CACNA1A: variants seen among roughly 807,000 people sequenced by gnomAD.
CACNA1A encodes the protein voltage-dependent P/Q-type calcium channel subunit alpha-1A.
CACNA1A carries 57 observed loss-of-function variants against 262.4 expected under a neutral mutation model. That is an observed-to-expected ratio of 0.22 (90% CI 0.18 to 0.27). The LOEUF (loss-of-function observed/expected upper bound fraction) is 0.27. Ranked by LOEUF, CACNA1A falls within the 10% of genes least tolerant of loss-of-function variation. The pLI is 1.00. For missense variants in CACNA1A, 2,526 were observed against 3,562.8 expected, an observed-to-expected ratio of 0.71 and a Z score of 7.41; for synonymous variants, 1,431 against 1,419.3, an observed-to-expected ratio of 1.01 and a Z score of -0.18.
chr19:13,235,693 C>G lies in CACNA1A; in HGVS notation c.4988G>C (p.Arg1663Pro). The G allele has an allele frequency of 6.2e-7, 1 of 1,613,804 alleles. No homozygotes were observed. The highest frequency in any genetic ancestry group is 8.5e-7 in the Non-Finnish European group (1 of 1,179,804). The change falls in exon 32 of 47, where the codon CGA becomes CCA. Residue 1663 changes from arginine to proline, a missense_variant. Arg to Pro is a moderately radical substitution (Grantham distance 103). Transcript: ENST00000360228. ...FINLSFLRLF[R>P]AARLIKLLRQ... The stretch of plus-strand genomic sequence containing the variant: ...GAGAAGTTTGATGAGCCGGGCAGCT[C>G]GGAAGAGGCGGAGAAAGCTCAGGTT...
At chr19:13,319,898 T>C (rs888828776) in intron 10 of CACNA1A, among the ~76,000 whole-genome samples, 1 of 152,144 alleles carries the variant, frequency 6.6e-6, no homozygotes, top group Admixed American at 6.5e-5. Context: ...CCAGTGAAGA[T>C]GTGTCAAGAT....
intron 40 of CACNA1A, among the ~76,000 whole-genome samples, chr19:13,213,045 T>C (rs952319139): frequency 2.0e-5 from 3 of 152,072 alleles, no homozygotes; most frequent in Non-Finnish European, 2.9e-5. Flanking sequence ...CCATGAGCAC[T>C]TGAGTCAGGT....
chr19:13,418,456 GA>G (rs1338519258), intron 3 of CACNA1A, among the ~76,000 whole-genome samples: 1 of 152,048 alleles, frequency 6.6e-6, no homozygotes, highest in Non-Finnish European at 1.5e-5. Context: ...ACCTTATTTA[GA>G]AAAAATAAGG....
Position 13,299,261 on chromosome 19 carries a change from T to A in CACNA1A, c.2372A>T (p.Glu791Val). 1 of 1,607,022 alleles carries A rather than the reference T, an allele frequency of 6.2e-7. No individual in the cohort carries two copies. Among genetic ancestry groups the A allele is most frequent in the South Asian group, 1.1e-5 (1 of 91,090 alleles). ...MRKQNLLASR[E>V]ALYNEMDPDE... ...CGGGTCCATTTCGTTATACAGGGCC[T>A]CCCGGCTGGCCAGCAAGTTCTGCTT... The change falls in exon 19 of 47, where the codon GAG becomes GTG. Residue 791 changes from glutamate to valine, a missense_variant. Glu to Val is a moderately radical substitution (Grantham distance 121, BLOSUM62 -2). This residue lies in a region of CACNA1A where 765 missense variants were observed against 748.6 expected (regional missense o/e 1.02). Transcript: ENST00000360228.
intron 4 of CACNA1A, among the ~76,000 whole-genome samples, chr19:13,369,609 G>T (rs1354008616): frequency 6.6e-6 from 1 of 152,238 alleles, no homozygotes; most frequent in Non-Finnish European, 1.5e-5. Context: ...CACACACAGT[G>T]AAGTACCTGG....
chr19:13,440,875 G>A lies in CACNA1A; in HGVS notation c.539+12001C>T, dbSNP rs115534793. On this transcript the variant is annotated intron_variant, in intron 3 of 46. Transcript: ENST00000360228. The stretch of plus-strand genomic sequence containing the variant: ...TGTTGGACTGCAGTGGTGCAAGCAC[G>A]GCTCACTGCAGACTTGACCTCCTGG... 2.6e-3 allele frequency among the ~76,000 whole-genome samples: 401 copies of A among 152,270 alleles called. 1 individual carries two copies. Among genetic ancestry groups the A allele is most frequent in the African/African-American group, 8.9e-3 (369 of 41,532 alleles).
rs368480650 is a variant in CACNA1A, at chr19:13,212,219, G to A, written c.6190-3C>T. The A allele has an allele frequency of 6.2e-7, 1 of 1,612,890 alleles. No homozygotes were observed. Reference sequence around the variant, plus strand: ...CCCATCTCTCGCATCTCCACGGACTGCGGAGCAGATGGCAAAGCCAGATGA... The same window carrying A: ...CCCATCTCTCGCATCTCCACGGACTACGGAGCAGATGGCAAAGCCAGATGA... On this transcript the variant is annotated splice_region_variant and splice_polypyrimidine_tract_variant and intron_variant, in intron 42 of 46. Coordinates refer to ENST00000360228, the MANE Select transcript of CACNA1A (RefSeq NM_001127222.2). This position sits in a 1 kb window ranked among gnomAD's most constrained non-coding sequence, Gnocchi z 5.6.
chr19:13,381,965 T>C (rs1006539323), intron 3 of CACNA1A, among the ~76,000 whole-genome samples: 1 of 152,060 alleles, frequency 6.6e-6, no homozygotes, highest in African/African-American at 2.4e-5. Context: ...CTGACTTGTA[T>C]TAAAATATGA....
At chr19:13,482,369 G>C (rs1979430638) in intron 1 of CACNA1A, among the ~76,000 whole-genome samples, 1 of 151,954 alleles carries the variant, frequency 6.6e-6, no homozygotes, top group Admixed American at 6.6e-5. Context: ...TGTAGTCCCA[G>C]CTACTCGGGA....
At chr19:13,310,523 G>A (rs1161803555) in intron 12 of CACNA1A, among the ~76,000 whole-genome samples, 1 of 103,448 alleles carries the variant, frequency 9.7e-6, no homozygotes, top group Non-Finnish European at 1.9e-5. Flanking sequence ...TGTAGAGAGA[G>A]AGAGAGAGTT....
intron 12 of CACNA1A, among the ~76,000 whole-genome samples, chr19:13,309,094 C>T (rs371153094): frequency 2.1e-4 from 32 of 152,198 alleles, no homozygotes; most frequent in South Asian, 8.3e-4. Flanking sequence ...CTGCAACCTC[C>T]GCCTCCCAGG....
intron 5 of CACNA1A, among the ~76,000 whole-genome samples, chr19:13,361,444 C>T (rs2059109636): frequency 6.6e-6 from 1 of 152,156 alleles, no homozygotes; most frequent in African/African-American, 2.4e-5. Context: ...GGACCTTATT[C>T]TGTGAGCGAT....
rs540955005 is a variant in CACNA1A at position 13,209,604 on chromosome 19, C to T, written c.6340-106G>A. On this transcript the variant is annotated intron_variant, in intron 44 of 46. Transcript: ENST00000360228. ...GCCTGGTGGTGGCCTTCGGTGACTG[C>T]GGTGTGACCATCCTGGGGCAGGGGC... 191 of 822,836 alleles carry T rather than the reference C, an allele frequency of 2.3e-4. No homozygotes were observed. In the African/African-American group the frequency reaches 2.5e-3, roughly 11 times the overall value. 51.0% of individuals were successfully genotyped at this position (822,836 alleles called of 1,614,324 possible). A position where few individuals can be genotyped will look rare whatever the true frequency, so the allele number is the denominator to read the frequency against.
Position 13,257,332 on chromosome 19 carries a change from T to C in CACNA1A, c.4590+18A>G. The C allele has an allele frequency of 6.2e-7, 1 of 1,605,032 alleles. No homozygotes were observed. Among genetic ancestry groups the C allele is most frequent in the Non-Finnish European group, 8.5e-7 (1 of 1,172,144 alleles). ...GTGTCCCCAGTTTTTAAAGGACAGA[T>C]GGAATTGGAAGTGGCACCTCATTTT... is the stretch of plus-strand genomic sequence containing the variant. On this transcript the variant is annotated intron_variant, in intron 28 of 46. Coordinates refer to ENST00000360228, the MANE Select transcript of CACNA1A (RefSeq NM_001127222.2).
Position 13,449,383 on chromosome 19 carries a change from G to A in CACNA1A, c.539+3493C>T, listed in dbSNP as rs8112743. ...TGCAGTCATAGCTCACTACAGCGTC[G>A]ACCTTATGGGCTTAAGTGATCCTCC... is the stretch of plus-strand genomic sequence containing the variant. On this transcript the variant is annotated intron_variant, in intron 3 of 46. Transcript: ENST00000360228. Among the ~76,000 whole-genome samples, 14 of 152,164 alleles carry A rather than the reference G, an allele frequency of 9.2e-5. No homozygotes were observed. The East Asian group carries it at 1.9e-3, about 21-fold the overall frequency.
At chr19:13,314,733 A>C (rs1045222788) in intron 11 of CACNA1A, among the ~76,000 whole-genome samples, 3 of 152,136 alleles carry the variant, frequency 2.0e-5, no homozygotes, top group Non-Finnish European at 4.4e-5. Context: ...GATATTTGCC[A>C]AGGGTGTTTG....
intron 43 of CACNA1A, 176 bp from the exon 44 acceptor site, chr19:13,210,828 C>T: frequency 2.8e-6 from 2 of 708,378 alleles, no homozygotes; most frequent in East Asian, 2.7e-5. Flanking sequence ...AAGTTAAAGT[C>T]CTGGCGGGTG....
chr19:13,333,007 C>T (rs2058492857), intron 8 of CACNA1A, 82 bp from the exon 9 acceptor site: 1 of 1,084,542 alleles, frequency 9.2e-7, no homozygotes, highest in Non-Finnish European at 1.4e-6. Context: ...GTCTGCCCGG[C>T]CACCCCCATT....
At chr19:13,281,795 C>T (rs550073395) in intron 22 of CACNA1A, among the ~76,000 whole-genome samples, 4 of 152,150 alleles carry the variant, frequency 2.6e-5, no homozygotes, top group Non-Finnish European at 5.9e-5. Flanking sequence ...AGAGAAGTTT[C>T]GACTGCGAGA....
Sources: allele counts gnomAD v4.1 joint callset (sites outside exome capture counted in the v4.1 genomes callset), GRCh38; gene constraint gnomAD v4.1.1; regional missense constraint gnomAD v4.1.1; non-coding constraint Gnocchi (gnomAD v3.1); transcripts MANE v1.5; gene names NCBI Gene and HGNC (gene_info 2026-07-23, HGNC 2026-07-21).